Variants in DNAJC13 observed in about 807,000 individuals in gnomAD.
The protein encoded by DNAJC13 is DnaJ heat shock protein family (Hsp40) member C13, also known as dnaJ homolog subfamily C member 13.
Under a neutral mutation model 290.5 loss-of-function variants are expected in DNAJC13, and 75 were observed. The ratio of observed to expected loss-of-function variants is 0.26; its 90% confidence interval spans 0.21 to 0.31. The LOEUF (loss-of-function observed/expected upper bound fraction) is 0.31, where lower values mean the gene tolerates loss of function less well. Ranked by LOEUF, DNAJC13 falls within the 10% of genes least tolerant of loss-of-function variation. The pLI, the probability that DNAJC13 is intolerant of heterozygous loss-of-function variation, is 1.00. For missense variants in DNAJC13, 2,260 were observed against 2,674.5 expected (o/e 0.85, Z 3.42); for synonymous variants, 862 against 892.0 (o/e 0.97, Z 0.60).
At chr3:132,534,271 A>G (rs1210161485) in intron 55 of DNAJC13, among the ~76,000 whole-genome samples, 2 of 152,184 alleles carry the variant, frequency 1.3e-5, no homozygotes, top group African/African-American at 4.8e-5. Context: ...CAGAATTGTG[A>G]AATTCTGAGC....
intron 33 of DNAJC13, among the ~76,000 whole-genome samples, chr3:132,493,383 A>T (rs1014070312): frequency 6.6e-6 from 1 of 152,036 alleles, no homozygotes; most frequent in Non-Finnish European, 1.5e-5. Flanking sequence ...AGTGACCAAA[A>T]AAAGGCAGGT....
chr3:132,490,996 G>A lies in DNAJC13; in HGVS notation c.3568G>A (p.Glu1190Lys). ...AAATTATGAACCTGAAAAGTTTTCT[G>A]AGATTTTTCTAGGAGAATTTGATAC... ...LENYEPEKFS[E>K]IFLGEFDTPE... The change falls in exon 32 of 56, where the codon GAG (glutamate) becomes AAG (lysine). Residue 1190 changes from glutamate (E) to lysine (K), a missense_variant. Glu to Lys is a moderately conservative substitution (Grantham distance 56). This residue lies in a region of DNAJC13 where 1,494 missense variants were observed against 1,693.7 expected (regional missense o/e 0.88). Transcript: ENST00000260818. The A allele has an allele frequency of 6.2e-7, 1 of 1,612,864 alleles. No individual in the cohort carries two copies. Among genetic ancestry groups the A allele is most frequent in the Non-Finnish European group, 8.5e-7 (1 of 1,179,466 alleles).
At position 132,450,865 on chromosome 3, in the gene DNAJC13, A is replaced by AG; in HGVS notation, c.537+18_537+19insG. ...GTAGATTGGTAAGTACTATTTTAAAAAAAAAAAACACTTTAAAAGGGTCAT... is the reference window on the plus strand; with the variant it reads ...GTAGATTGGTAAGTACTATTTTAAAAGAAAAAAAACACTTTAAAAGGGTCAT... On this transcript the variant is annotated intron_variant, in intron 6 of 55. Coordinates refer to ENST00000260818, the MANE Select transcript of DNAJC13 (RefSeq NM_015268.4). 7.1e-7 allele frequency: 1 copy of AG among 1,417,696 alleles called. No individual in the cohort carries two copies. The highest frequency in any genetic ancestry group is 2.3e-5 in the East Asian group (1 of 43,278). The allele number at this position is 1,417,696 out of a possible 1,614,324, so 87.8% of individuals were successfully genotyped here.
intron 20 of DNAJC13, among the ~76,000 whole-genome samples, chr3:132,471,579 G>A (rs1394941007): frequency 2.2e-5 from 3 of 139,442 alleles, no homozygotes; most frequent in Non-Finnish European, 4.7e-5. Context: ...GGTCTCGGCC[G>A]GGCAGAGGCA....
At position 132,462,506 on chromosome 3, in the gene DNAJC13, A is replaced by G; in HGVS notation, c.1753A>G (p.Met585Val). The G allele has an allele frequency of 6.2e-7, 1 of 1,610,136 alleles. No homozygotes were observed. The highest frequency in any genetic ancestry group is 8.5e-7 in the Non-Finnish European group (1 of 1,178,536). Residue 585 changes from methionine to valine, a missense_variant, in exon 16 of 56, where the codon ATG becomes GTG. Physicochemically the swap from Met to Val is conservative, Grantham distance 21 (BLOSUM62 1). Around this residue, in one of 3 missense-constraint regions of DNAJC13, gnomAD observed 762 missense variants for 964.1 expected, o/e 0.79. Transcript: ENST00000260818. ...MAIIKGAGLV[M>V]KAIIEEGDKE... ...AATAATAAAAGGAGCTGGGTTGGTT[A>G]TGAAGGCAATAATAGAGGTGAGAGA...
intron 28 of DNAJC13, among the ~76,000 whole-genome samples, chr3:132,483,815 A>G (rs891013077): frequency 2.0e-5 from 3 of 152,236 alleles, no homozygotes; most frequent in African/African-American, 7.2e-5. Context: ...GAGACTTACA[A>G]TAGTAACAAT....
chr3:132,465,741 C>G (rs1933960619), intron 17 of DNAJC13, among the ~76,000 whole-genome samples: 1 of 151,236 alleles, frequency 6.6e-6, no homozygotes, highest in Non-Finnish European at 1.5e-5. Context: ...CTACTTTTTT[C>G]CTGTTCGGGT....
chr3:132,471,318 C>T (rs867197244), intron 20 of DNAJC13, among the ~76,000 whole-genome samples: 4,706 of 129,586 alleles, frequency 0.036, 243 homozygotes, highest in African/African-American at 0.13. Flanking sequence ...CCCTCCCGGA[C>T]GGGGCGGCTG....
In DNAJC13 at chr3:132,526,267, G is replaced by C. The variant is rs1223961574; in HGVS notation, c.6367G>C (p.Glu2123Gln). ...TCGAATGTTTCAGAAGGAGCAGAGTGAATTAGTAGCACAAGTAAGTGACTT... is the reference window on the plus strand; with the variant it reads ...TCGAATGTTTCAGAAGGAGCAGAGTCAATTAGTAGCACAAGTAAGTGACTT... Reference protein sequence around the residue: ...INRMFQKEQSELVAQALKADL... With the variant: ...INRMFQKEQSQLVAQALKADL... Residue 2123 changes from glutamate to glutamine, a missense_variant, in exon 53 of 56, where the codon GAA (glutamate) becomes CAA (glutamine). Transcript: ENST00000260818. 2.5e-6 allele frequency: 4 copies of C among 1,613,832 alleles called. No homozygotes were observed. In the African/African-American group the frequency reaches 4.0e-5, roughly 16 times the overall value.
intron 2 of DNAJC13, among the ~76,000 whole-genome samples, chr3:132,440,604 T>C (rs1396561165): frequency 2.6e-5 from 4 of 152,238 alleles, no homozygotes; most frequent in African/African-American, 9.7e-5. Context: ...ACAGTAACGT[T>C]GTACACTAGG....
At chr3:132,497,153 A>G (rs1935259105) in intron 36 of DNAJC13, among the ~76,000 whole-genome samples, 2 of 152,224 alleles carry the variant, frequency 1.3e-5, no homozygotes, top group Non-Finnish European at 2.9e-5. Context: ...TGTAGCTCTC[A>G]GGACCCTCTA....
chr3:132,499,036 C>T, intron 36 of DNAJC13, 90 bp from the exon 37 acceptor site: 2 of 1,225,440 alleles, frequency 1.6e-6, no homozygotes, highest in Non-Finnish European at 2.3e-6. Context: ...TTTTTTAAGG[C>T]AACATATTCT....
chr3:132,449,862 T>C (rs543399203), intron 5 of DNAJC13, among the ~76,000 whole-genome samples: 5 of 152,280 alleles, frequency 3.3e-5, no homozygotes, highest in African/African-American at 1.2e-4. Flanking sequence ...TGAAACTTTG[T>C]TATCCTTATT....
At chr3:132,529,786 CA>C (rs11402210) in intron 54 of DNAJC13, among the ~76,000 whole-genome samples, 4,485 of 92,798 alleles carry the variant, frequency 0.048, 82 homozygotes, top group East Asian at 0.14. Context: ...GACTCTGTCT[CA>C]AAAAAAAAAA....
chr3:132,451,042 T>C (rs1490543212), intron 6 of DNAJC13, among the ~76,000 whole-genome samples, 195 bp downstream of exon 6: 2 of 152,044 alleles, frequency 1.3e-5, no homozygotes, highest in Non-Finnish European at 2.9e-5. Context: ...AGAGTGAGGA[T>C]CTGGTGAGAT....
intron 22 of DNAJC13, 126 bp downstream of exon 22, chr3:132,475,211 G>A (rs914089630): frequency 3.5e-5 from 22 of 624,668 alleles, no homozygotes; most frequent in Non-Finnish European, 5.0e-5. Context: ...TTAATGTTAT[G>A]TAGGAAATAC....
chr3:132,446,637 CA>C, intron 3 of DNAJC13, 87 bp downstream of exon 3: 1 of 815,302 alleles, frequency 1.2e-6, no homozygotes, highest in Non-Finnish European at 2.0e-6. Context: ...TCCCTTAAAT[CA>C]GTACTTGAAG....
chr3:132,499,622 A>G, intron 37 of DNAJC13, 112 bp from the exon 38 acceptor site: 1 of 930,450 alleles, frequency 1.1e-6, no homozygotes, highest in Non-Finnish European at 1.7e-6. Context: ...TCAAACATTT[A>G]TGTATCAAAT....
At chr3:132,514,729 G>A (rs936943879) in intron 46 of DNAJC13, 59 bp downstream of exon 46, 2 of 1,214,402 alleles carry the variant, frequency 1.6e-6, no homozygotes, top group Non-Finnish European at 2.4e-6. Flanking sequence ...GAAAGGAGTT[G>A]TTGCATAGTT....
Sources: allele counts gnomAD v4.1 joint callset (sites outside exome capture counted in the v4.1 genomes callset), GRCh38; gene constraint gnomAD v4.1.1; regional missense constraint gnomAD v4.1.1; transcripts MANE v1.5; gene names NCBI Gene and HGNC (gene_info 2026-07-23, HGNC 2026-07-21).